ALDH1A2: variants seen among roughly 807,000 people sequenced by gnomAD.
ALDH1A2 encodes aldehyde dehydrogenase 1 family member A2.
ALDH1A2 carries 27 observed loss-of-function variants against 60.3 expected under a neutral mutation model. The ratio of observed to expected loss-of-function variants is 0.45; its 90% confidence interval spans 0.33 to 0.62. The LOEUF is 0.62. ALDH1A2 is among the 20% of genes least tolerant of loss of function. ALDH1A2 has a pLI of 0.02. For synonymous variants in ALDH1A2, 289 were observed against 232.4 expected, an observed-to-expected ratio of 1.24 and a Z score of -2.21; for missense variants, 581 against 643.8, an observed-to-expected ratio of 0.90 and a Z score of 1.06.
chr15:58,042,185 TTTAA>T (rs1896533418), intron 1 of ALDH1A2, among the ~76,000 whole-genome samples: 1 of 151,998 alleles, frequency 6.6e-6, no homozygotes. Context: ...TCCTGCCTTC[TTTAA>T]TTGACAGGAC....
In ALDH1A2 at chr15:57,954,732, G is replaced by C; in HGVS notation, c.*465C>G. The stretch of plus-strand genomic sequence containing the variant: ...TTACAACCTTGAAAAATTGTTCCCG[G>C]CCCAAACATCTGCCCCAGAATGAGC... On this transcript the variant is annotated 3_prime_UTR_variant, in exon 13 of 13. Coordinates refer to ENST00000249750, the MANE Select transcript of ALDH1A2 (RefSeq NM_003888.4). 1 of 189,856 alleles carries C rather than the reference G, an allele frequency of 5.3e-6. No homozygotes were observed. Among genetic ancestry groups the C allele is most frequent in the Admixed American group, 5.3e-5 (1 of 18,940 alleles). 11.8% of individuals were successfully genotyped at this position (189,856 alleles called of 1,614,324 possible). A position where few individuals can be genotyped will look rare whatever the true frequency, so the allele number is the denominator to read the frequency against.
chr15:58,012,585 A>G (rs4646587), intron 3 of ALDH1A2, among the ~76,000 whole-genome samples: 2 of 152,144 alleles, frequency 1.3e-5, no homozygotes, highest in Non-Finnish European at 2.9e-5. Context: ...ACCATGAAAC[A>G]CCTTTTTCAC....
intron 1 of ALDH1A2, among the ~76,000 whole-genome samples, chr15:58,031,532 A>G (rs1392844314): frequency 1.3e-5 from 2 of 152,264 alleles, no homozygotes; most frequent in African/African-American, 2.4e-5. Context: ...ATTAGACTAA[A>G]GAGCTTCTGC....
At chr15:57,991,970 C>G (rs1339584802) in intron 7 of ALDH1A2, among the ~76,000 whole-genome samples, 1 of 152,184 alleles carries the variant, frequency 6.6e-6, no homozygotes, top group African/African-American at 2.4e-5. Flanking sequence ...GATCTGTAAA[C>G]TATGGCCCAT....
At chr15:58,001,370 G>A (rs1895263319) in intron 4 of ALDH1A2, among the ~76,000 whole-genome samples, 1 of 151,816 alleles carries the variant, frequency 6.6e-6, no homozygotes, top group African/African-American at 2.4e-5. Flanking sequence ...AATCACAAAT[G>A]GGGTAAAAAT....
intron 8 of ALDH1A2, among the ~76,000 whole-genome samples, chr15:57,965,396 T>C (rs1397468553): frequency 4.6e-5 from 7 of 152,180 alleles, no homozygotes; most frequent in Non-Finnish European, 1.0e-4. Flanking sequence ...ATTTATTGAA[T>C]CTAGGCAGAG....
intron 1 of ALDH1A2, 26 bp downstream of exon 1, chr15:58,065,508 A>T (rs201662026): frequency 6.4e-7 from 1 of 1,572,780 alleles, no homozygotes; most frequent in Non-Finnish European, 8.8e-7. Context: ...GTCTCCGTGG[A>T]CGACGGGCGC....
chr15:57,987,081 G>C (rs1192243172), intron 7 of ALDH1A2, among the ~76,000 whole-genome samples: 4 of 152,150 alleles, frequency 2.6e-5, no homozygotes, highest in Non-Finnish European at 5.9e-5. Context: ...CTCTGAAGCA[G>C]ATTAAGCATT....
At chr15:58,014,350 T>C in intron 1 of ALDH1A2, 69 bp from the exon 2 acceptor site, 1 of 1,126,992 alleles carries the variant, frequency 8.9e-7, no homozygotes, top group Non-Finnish European at 1.4e-6. Flanking sequence ...GGCCAAGTGT[T>C]ACGGAACTAC....
At chr15:58,018,285 T>C (rs1264801832) in intron 1 of ALDH1A2, among the ~76,000 whole-genome samples, 1 of 152,180 alleles carries the variant, frequency 6.6e-6, no homozygotes, top group African/African-American at 2.4e-5. Context: ...TAATAGATTA[T>C]GACCCATAGA....
At chr15:57,992,523 G>C (rs150332836) in intron 7 of ALDH1A2, among the ~76,000 whole-genome samples, 182 bp downstream of exon 7, 1 of 152,288 alleles carries the variant, frequency 6.6e-6, no homozygotes, top group East Asian at 1.9e-4. Flanking sequence ...GGGTCAAATG[G>C]TCCCTGTGTG....
intron 1 of ALDH1A2, among the ~76,000 whole-genome samples, chr15:58,062,146 TAGC>T (rs1897055060): frequency 6.6e-6 from 1 of 152,296 alleles, no homozygotes; most frequent in Admixed American, 6.5e-5. Context: ...TCTTCTATTT[TAGC>T]AGGTCATTAT....
intron 7 of ALDH1A2, among the ~76,000 whole-genome samples, chr15:57,966,218 A>C (rs1893893512): frequency 6.6e-6 from 1 of 152,232 alleles, no homozygotes; most frequent in Non-Finnish European, 1.5e-5. Context: ...GAAAGATATC[A>C]TGAGGATAAA....
intron 12 of ALDH1A2, among the ~76,000 whole-genome samples, chr15:57,958,679 G>T (rs1451695536): frequency 6.6e-6 from 1 of 152,058 alleles, no homozygotes; most frequent in South Asian, 2.1e-4. Flanking sequence ...GTAGACGGAG[G>T]ATTAAGTGGA....
intron 4 of ALDH1A2, among the ~76,000 whole-genome samples, chr15:58,006,306 G>A (rs1271802793): frequency 6.6e-6 from 1 of 151,892 alleles, no homozygotes; most frequent in African/African-American, 2.4e-5. Context: ...TAGAATAATG[G>A]CCTCCAGCTC....
At chr15:58,029,752 A>G (rs368329972) in intron 1 of ALDH1A2, among the ~76,000 whole-genome samples, 1 of 152,210 alleles carries the variant, frequency 6.6e-6, no homozygotes, top group East Asian at 1.9e-4. Flanking sequence ...AGAGAATACT[A>G]TAAACACCTC....
At chr15:58,012,316 C>T (rs1358625768) in intron 3 of ALDH1A2, among the ~76,000 whole-genome samples, 1 of 152,138 alleles carries the variant, frequency 6.6e-6, no homozygotes, top group Non-Finnish European at 1.5e-5. Flanking sequence ...AACCTATGTG[C>T]CCTCATTTGC....
intron 12 of ALDH1A2, among the ~76,000 whole-genome samples, chr15:57,958,541 C>T (rs1893616840): frequency 6.6e-6 from 1 of 152,152 alleles, no homozygotes; most frequent in African/African-American, 2.4e-5. Flanking sequence ...CTAGGTCAGC[C>T]CTCCTGGGAG....
At chr15:57,996,611 T>A (rs8025826) in intron 4 of ALDH1A2, among the ~76,000 whole-genome samples, 3 of 151,452 alleles carry the variant, frequency 2.0e-5, no homozygotes, top group African/African-American at 7.3e-5. Flanking sequence ...CTAAGGGACA[T>A]AGAAGTCACT....
Sources: gnomAD v4.1 joint callset for allele counts (sites outside exome capture counted in the v4.1 genomes callset) on GRCh38, gnomAD v4.1.1 for gene constraint, MANE v1.5 for transcripts, NCBI Gene and HGNC (gene_info 2026-07-23, HGNC 2026-07-21) for gene names.